Variants in RIMBP2 observed in about 807,000 individuals in gnomAD.
RIMBP2 encodes the protein RIMS binding protein 2.
A neutral mutation model predicts 118.6 loss-of-function variants in RIMBP2; 48 were observed. The ratio of observed to expected loss-of-function variants is 0.40; its 90% CI spans 0.32 to 0.51. RIMBP2 has a LOEUF of 0.51. Ranked by LOEUF, RIMBP2 falls within the 20% of genes least tolerant of loss-of-function variation. The pLI, the probability that RIMBP2 is intolerant of heterozygous loss-of-function variation, is 0.41. For missense variants in RIMBP2, 1,551 were observed against 1,768.3 expected (o/e 0.88, Z 2.20); for synonymous variants, 762 against 742.9 (o/e 1.03, Z -0.42).
Position 130,407,839 on chromosome 12 carries a change from T to C in RIMBP2, c.3590-10A>G. The C allele has an allele frequency of 1.2e-6, 2 of 1,609,960 alleles. No individual in the cohort carries two copies. The highest frequency in any genetic ancestry group is 1.7e-6 in the Non-Finnish European group (2 of 1,176,282). The stretch of plus-strand genomic sequence containing the variant: ...CTTCTCCTGCTTCTCTCTGTTCAGA[T>C]CACAAGGGGGAAAGAAATCCATCAT... On this transcript the variant is annotated splice_polypyrimidine_tract_variant and intron_variant, in intron 19 of 22. Coordinates refer to ENST00000690449, the MANE Select transcript of RIMBP2 (RefSeq NM_001393629.1).
intron 2 of RIMBP2, among the ~76,000 whole-genome samples, chr12:130,577,485 G>A (rs1180863518): frequency 2.0e-5 from 3 of 152,174 alleles, no homozygotes; most frequent in Non-Finnish European, 4.4e-5. Flanking sequence ...ATGTTACAAG[G>A]CAGCAGGAGA....
chr12:130,592,140 C>T (rs2059309618), intron 2 of RIMBP2, among the ~76,000 whole-genome samples: 1 of 152,146 alleles, frequency 6.6e-6, no homozygotes, highest in Non-Finnish European at 1.5e-5. Flanking sequence ...CGACTGATTA[C>T]CAGCACATGC....
chr12:130,698,841 G>A (rs1436655182), intron 1 of RIMBP2, among the ~76,000 whole-genome samples: 2 of 151,924 alleles, frequency 1.3e-5, no homozygotes, highest in Non-Finnish European at 2.9e-5. Flanking sequence ...TCTGACAAAG[G>A]GCTAATATCC....
chr12:130,544,119 G>C (rs1487116188), intron 2 of RIMBP2, among the ~76,000 whole-genome samples: 1 of 152,252 alleles, frequency 6.6e-6, no homozygotes, highest in Admixed American at 6.5e-5. Context: ...CCTTTCCCCT[G>C]TCTCTCCATT....
At position 130,434,590 on chromosome 12, in the gene RIMBP2, G is replaced by T; in HGVS notation, c.2253+144C>A. 1.2e-6 allele frequency: 1 copy of T among 812,220 alleles called. No homozygotes were observed. The highest frequency in any genetic ancestry group is 1.9e-6 in the Non-Finnish European group (1 of 531,394). 50.3% of individuals were successfully genotyped at this position (812,220 alleles called of 1,614,324 possible). On this transcript the variant is annotated intron_variant, in intron 14 of 22. Transcript: ENST00000690449. The surrounding 1 kb of genome is among the most constrained non-coding windows in gnomAD (Gnocchi z 5.7). ...AATATAAACTTCAGAAACCTAGCAC[G>T]ACTTAGGACCCCAGCTGGGCGTCTC...
intron 2 of RIMBP2, among the ~76,000 whole-genome samples, chr12:130,616,275 C>A (rs188025649): frequency 3.3e-5 from 5 of 151,922 alleles, no homozygotes; most frequent in African/African-American, 7.3e-5. Flanking sequence ...TCTGTACCCC[C>A]ATCTGTTCTC....
rs998940193 is a variant in RIMBP2, at chr12:130,523,016, GTCTA to G, written c.-216-5103_-216-5100del. On this transcript the variant is annotated intron_variant, in intron 2 of 22. Coordinates refer to ENST00000690449, the MANE Select transcript of RIMBP2 (RefSeq NM_001393629.1). This position sits in a 1 kb window ranked among gnomAD's most constrained non-coding sequence, Gnocchi z 4.4. ...TTTTAGTTTTTCTTTCTGCCTCTAT[GTCTA>G]TCTCTCTGTTCATTTTTCTGGCTCT... is the stretch of plus-strand genomic sequence containing the variant. 1.1e-4 allele frequency among the ~76,000 whole-genome samples: 16 copies of G among 151,808 alleles called. No homozygotes were observed. Among genetic ancestry groups the G allele is most frequent in the Non-Finnish European group, 2.9e-5 (2 of 67,960 alleles).
intron 9 of RIMBP2, among the ~76,000 whole-genome samples, chr12:130,448,705 T>G (rs1475259594): frequency 6.6e-6 from 1 of 152,212 alleles, no homozygotes; most frequent in Non-Finnish European, 1.5e-5. Flanking sequence ...TCCTCCAGCA[T>G]GGTGACAGAT....
intron 11 of RIMBP2, among the ~76,000 whole-genome samples, chr12:130,440,567 T>C (rs1186268602): frequency 1.3e-5 from 2 of 152,192 alleles, no homozygotes; most frequent in Admixed American, 6.5e-5. Context: ...CTTCACCTCC[T>C]GACTCCCCAC....
At chr12:130,661,036 T>C (rs7967766) in intron 1 of RIMBP2, among the ~76,000 whole-genome samples, 82,684 of 152,102 alleles carry the variant, frequency 0.54, 23,090 homozygotes, top group Non-Finnish European at 0.62. Flanking sequence ...CTGGCCAACA[T>C]GGCAAGACCC....
chr12:130,674,422 C>T (rs139436769), intron 1 of RIMBP2, among the ~76,000 whole-genome samples: 13 of 152,154 alleles, frequency 8.5e-5, no homozygotes, highest in Admixed American at 7.9e-4. Context: ...GGGATGAGGA[C>T]GTAGTTGTGC....
intron 2 of RIMBP2, among the ~76,000 whole-genome samples, chr12:130,612,289 C>T (rs375436631): frequency 2.0e-5 from 3 of 152,282 alleles, no homozygotes; most frequent in East Asian, 3.9e-4. Context: ...AGTGCGGCCC[C>T]GGGTGTTTCA....
intron 6 of RIMBP2, among the ~76,000 whole-genome samples, chr12:130,458,734 G>A (rs1169318825): frequency 6.0e-5 from 2 of 33,526 alleles, no homozygotes; most frequent in African/African-American, 9.7e-5. Context: ...CCCTAATGTC[G>A]TGTCTATGAA....
rs148081031 is a variant in RIMBP2 at position 130,644,889 on chromosome 12, C to T, written c.-351-16433G>A. Among the ~76,000 whole-genome samples, 842 of 152,330 alleles carry T rather than the reference C, an allele frequency of 5.5e-3. 6 individuals carry two copies. The highest frequency in any genetic ancestry group is 0.019 in the African/African-American group (786 of 41,576). On this transcript the variant is annotated intron_variant, in intron 1 of 22. Transcript: ENST00000690449. Reference sequence around the variant, plus strand: ...CAAGGGCTGTGGCCCACTGGGTTTCCCCACACAGGCCCCTTAAGCAGCACC... The same window carrying T: ...CAAGGGCTGTGGCCCACTGGGTTTCTCCACACAGGCCCCTTAAGCAGCACC...
chr12:130,474,469 G>C (rs1033721338), intron 5 of RIMBP2, among the ~76,000 whole-genome samples: 1 of 152,158 alleles, frequency 6.6e-6, no homozygotes, highest in African/African-American at 2.4e-5. Flanking sequence ...CTACGAGTCC[G>C]ACGCGCCTTT....
chr12:130,491,820 C>T (rs2048670061), intron 4 of RIMBP2, among the ~76,000 whole-genome samples: 1 of 152,266 alleles, frequency 6.6e-6, no homozygotes, highest in Non-Finnish European at 1.5e-5. Context: ...ACGGCCAAAA[C>T]TGCCTGTCTG....
At chr12:130,532,011 T>C (rs1334156142) in intron 2 of RIMBP2, among the ~76,000 whole-genome samples, 1 of 80,236 alleles carries the variant, frequency 1.2e-5, no homozygotes, top group Non-Finnish European at 2.4e-5. Context: ...ATGCGTATGT[T>C]TAGCCTCTAG....
At chr12:130,627,365 CT>C (rs2061709051) in intron 2 of RIMBP2, among the ~76,000 whole-genome samples, 1 of 152,248 alleles carries the variant, frequency 6.6e-6, no homozygotes, top group Non-Finnish European at 1.5e-5. Context: ...GTTATTCTTA[CT>C]ACCCAAGATT....
chr12:130,408,920 C>T (rs1482567841), intron 19 of RIMBP2, among the ~76,000 whole-genome samples: 5 of 152,176 alleles, frequency 3.3e-5, no homozygotes, highest in Admixed American at 3.3e-4. Context: ...TTACTCTCCC[C>T]TTGGGTTCTG....
Sources: gnomAD v4.1 joint callset for allele counts (sites outside exome capture counted in the v4.1 genomes callset) on GRCh38, gnomAD v4.1.1 for gene constraint, Gnocchi (gnomAD v3.1) non-coding constraint, MANE v1.5 for transcripts, NCBI Gene and HGNC (gene_info 2026-07-23, HGNC 2026-07-21) for gene names.